The following PAPPA2 variants were observed in gnomAD, a reference collection of about 807,000 sequenced individuals.
PAPPA2 encodes pappalysin 2.
Under a neutral mutation model 176.4 loss-of-function variants are expected in PAPPA2, and 86 were observed. That is an observed-to-expected ratio of 0.49 (90% CI 0.41 to 0.58). PAPPA2 has a LOEUF of 0.58. Ranked by LOEUF, PAPPA2 falls within the 20% of genes least tolerant of loss-of-function variation. The probability of loss-of-function intolerance (pLI) is 0.00; values close to 1 mark genes in which losing one functional copy is unlikely to be tolerated. For synonymous variants in PAPPA2, 809 were observed against 852.2 expected, an observed-to-expected ratio of 0.95 and a Z score of 0.88; for missense variants, 2,073 against 2,256.9, an observed-to-expected ratio of 0.92 and a Z score of 1.65.
chr1:176,820,333 G>A (rs1446375451), intron 21 of PAPPA2, among the ~76,000 whole-genome samples: 1 of 152,106 alleles, frequency 6.6e-6, no homozygotes, highest in African/African-American at 2.4e-5. Flanking sequence ...AATGGGTCAG[G>A]AGGCTCTTGT....
intron 1 of PAPPA2, among the ~76,000 whole-genome samples, chr1:176,490,081 A>G (rs138864057): frequency 2.6e-5 from 4 of 152,146 alleles, no homozygotes; most frequent in Admixed American, 6.5e-5. Flanking sequence ...TACTTGGGCC[A>G]TGTTACTTTT....
chr1:176,568,736 T>C (rs962454818), intron 2 of PAPPA2, among the ~76,000 whole-genome samples: 2 of 152,192 alleles, frequency 1.3e-5, no homozygotes, highest in Admixed American at 1.3e-4. Flanking sequence ...CCAAATCCTG[T>C]CTGGTTGGCC....
intron 4 of PAPPA2, among the ~76,000 whole-genome samples, chr1:176,680,447 CTT>C (rs1172078548): frequency 6.6e-6 from 1 of 152,168 alleles, no homozygotes; most frequent in Non-Finnish European, 1.5e-5. Context: ...TACAACAACT[CTT>C]TTGTGATCAC....
rs774294376 is a variant in PAPPA2, at chr1:176,671,064, C to G, written c.2086C>G (p.Leu696Val). The G allele has an allele frequency of 3.1e-6, 5 of 1,613,848 alleles. No individual in the cohort carries two copies. In the South Asian group the frequency reaches 4.4e-5, roughly 14 times the overall value. The change falls in exon 4 of 23, where the codon CTT becomes GTT. Residue 696 changes from leucine (L) to valine (V), a missense_variant. Coordinates refer to ENST00000367662, the MANE Select transcript of PAPPA2 (RefSeq NM_020318.3). ...CTTTGCCAGCTCAGTGCGGGAAGAC[C>G]TTGCAGGTGCTGCCACCTGGCCTTG... ...IYFASSVRED[L>V]AGAATWPWDK...
At chr1:176,487,686 C>T (rs561958248) in intron 1 of PAPPA2, among the ~76,000 whole-genome samples, 31 of 145,878 alleles carry the variant, frequency 2.1e-4, no homozygotes, top group Non-Finnish European at 1.5e-5. Context: ...TTACAAGGGC[C>T]TGGTCTAGGA....
At chr1:176,512,959 A>G (rs1295802450) in intron 1 of PAPPA2, among the ~76,000 whole-genome samples, 1 of 152,138 alleles carries the variant, frequency 6.6e-6, no homozygotes, top group African/African-American at 2.4e-5. Flanking sequence ...AATTTCTACA[A>G]CAGTTTCAAA....
At chr1:176,721,630 C>T (rs1443095656) in intron 12 of PAPPA2, among the ~76,000 whole-genome samples, 3 of 152,130 alleles carry the variant, frequency 2.0e-5, no homozygotes, top group Admixed American at 1.3e-4. Flanking sequence ...GGAGAGTTAG[C>T]TGTACATCTG....
At chr1:176,635,143 TAGG>T (rs1656622763) in intron 3 of PAPPA2, among the ~76,000 whole-genome samples, 1 of 152,164 alleles carries the variant, frequency 6.6e-6, no homozygotes, top group Non-Finnish European at 1.5e-5. Flanking sequence ...CTGACTGCTA[TAGG>T]CAGAAGTTTT....
intron 1 of PAPPA2, among the ~76,000 whole-genome samples, chr1:176,543,372 C>G (rs748275014): frequency 6.6e-6 from 1 of 152,152 alleles, no homozygotes; most frequent in Non-Finnish European, 1.5e-5. Context: ...CCTTCCAGAG[C>G]CCCCACCTGG....
At position 176,556,579 on chromosome 1, in the gene PAPPA2, A is replaced by G. The variant is rs1469446625; in HGVS notation, c.257A>G (p.Glu86Gly). ...TACCTAAGGCCCTACCCCGTGGGGG[A>G]GCAAGAAATCCATCATACAGGACGC... Reference protein sequence around the residue: ...GNYLRPYPVGEQEIHHTGRSK... With the variant: ...GNYLRPYPVGGQEIHHTGRSK... Residue 86 changes from glutamate to glycine, a missense_variant, in exon 2 of 23, where the codon GAG (glutamate) becomes GGG (glycine). This residue lies in a region of PAPPA2 where 1,196 missense variants were observed against 1,330.4 expected (regional missense o/e 0.90). Coordinates refer to ENST00000367662, the MANE Select transcript of PAPPA2 (RefSeq NM_020318.3). 6.2e-7 allele frequency: 1 copy of G among 1,614,156 alleles called. No homozygotes were observed. The highest frequency in any genetic ancestry group is 1.6e-4 in the Middle Eastern group (1 of 6,062).
At chr1:176,583,250 C>G (rs902854913) in intron 2 of PAPPA2, among the ~76,000 whole-genome samples, 1 of 150,880 alleles carries the variant, frequency 6.6e-6, no homozygotes, top group Non-Finnish European at 1.5e-5. Flanking sequence ...TCATTTATTT[C>G]CTTCTATTAA....
intron 21 of PAPPA2, among the ~76,000 whole-genome samples, chr1:176,835,675 A>G (rs766736834): frequency 1.1e-4 from 16 of 152,148 alleles, no homozygotes; most frequent in Non-Finnish European, 1.5e-4. Context: ...AGGCACCACC[A>G]CGCCCGGCTA....
At chr1:176,656,827 A>T (rs1273855847) in intron 3 of PAPPA2, among the ~76,000 whole-genome samples, 1 of 151,786 alleles carries the variant, frequency 6.6e-6, no homozygotes, top group African/African-American at 2.4e-5. Context: ...TTTTGACAGC[A>T]TACATGCACT....
intron 3 of PAPPA2, among the ~76,000 whole-genome samples, chr1:176,637,476 T>TGCACATAACAAC (rs1656773729): frequency 2.0e-5 from 3 of 152,150 alleles, no homozygotes; most frequent in South Asian, 4.1e-4. Context: ...TCTATAACAA[T>TGCACATAACAAC]GCACATAACA....
At chr1:176,781,838 C>CCA (rs1664734927) in intron 17 of PAPPA2, among the ~76,000 whole-genome samples, 2 of 152,130 alleles carry the variant, frequency 1.3e-5, no homozygotes, top group South Asian at 2.1e-4. Context: ...GCTCTAGGTA[C>CCA]CACACTGTGT....
Position 176,692,208 on chromosome 1 carries a change from T to C in PAPPA2, c.2514T>C (p.Thr838=), listed in dbSNP as rs1320429178. Residue 838 remains threonine, a synonymous_variant, in exon 6 of 23, where the codon ACT becomes ACC. Transcript: ENST00000367662. Reference sequence around the variant, plus strand: ...TGGACCTAGTCTATCAGCAGTGGACTGAAAGCAGAAAGCCCACCCCCATCC... The same window carrying C: ...TGGACCTAGTCTATCAGCAGTGGACCGAAAGCAGAAAGCCCACCCCCATCC... ...CYLDLVYQQW[T]ESRKPTPIPI... The C allele has an allele frequency of 6.2e-7, 1 of 1,614,064 alleles. No homozygotes were observed. Among genetic ancestry groups the C allele is most frequent in the Admixed American group, 1.7e-5 (1 of 60,010 alleles).
In PAPPA2 at chr1:176,765,762, C is replaced by A. The variant is rs1486494592; in HGVS notation, c.4248C>A (p.Leu1416=). The change falls in exon 15 of 23, where the codon CTC becomes CTA. Residue 1416 remains leucine, a synonymous_variant. Coordinates refer to ENST00000367662, the MANE Select transcript of PAPPA2 (RefSeq NM_020318.3). Reference sequence around the variant, plus strand: ...ACTGTACCTCTATAGGCCCAGGTCTCATGAAGTGTGCTATCACTTGTCAAA... The same window carrying A: ...ACTGTACCTCTATAGGCCCAGGTCTAATGAAGTGTGCTATCACTTGTCAAA... ...VVNCTSIGPG[L]MKCAITCQRG... 6.2e-7 allele frequency: 1 copy of A among 1,613,958 alleles called. No individual in the cohort carries two copies. The highest frequency in any genetic ancestry group is 8.5e-7 in the Non-Finnish European group (1 of 1,180,030).
At chr1:176,739,886 T>C in intron 13 of PAPPA2, 94 bp from the exon 14 acceptor site, 4 of 1,565,376 alleles carry the variant, frequency 2.6e-6, no homozygotes, top group South Asian at 2.3e-5. Context: ...GGTTTTGGCA[T>C]CATACACCTA....
At chr1:176,659,982 A>G (rs1461300533) in intron 3 of PAPPA2, among the ~76,000 whole-genome samples, 2 of 152,100 alleles carry the variant, frequency 1.3e-5, no homozygotes, top group Non-Finnish European at 2.9e-5. Context: ...AATTTCAAAT[A>G]TTTAAACAAT....
Sources: gnomAD v4.1 joint callset for allele counts (sites outside exome capture counted in the v4.1 genomes callset) on GRCh38, gnomAD v4.1.1 for gene constraint, gnomAD v4.1.1 regional missense constraint, MANE v1.5 for transcripts, NCBI Gene and HGNC (gene_info 2026-07-23, HGNC 2026-07-21) for gene names.